Variants in LRMDA observed in about 807,000 individuals in gnomAD.
LRMDA encodes leucine-rich melanocyte differentiation-associated protein.
A neutral mutation model predicts 29.8 loss-of-function variants in LRMDA; 18 were observed. That is an observed-to-expected ratio of 0.60 (90% CI 0.42 to 0.90). The LOEUF is 0.90. LRMDA is among the 40% of genes least tolerant of loss of function. LRMDA has a pLI of 0.00. For missense variants in LRMDA, 273 were observed against 273.9 expected (o/e 1.00, Z 0.02); for synonymous variants, 125 against 109.4 (o/e 1.14, Z -0.89).
At chr10:75,637,814 T>C (rs966498248) in intron 2 of LRMDA, among the ~76,000 whole-genome samples, 5 of 152,160 alleles carry the variant, frequency 3.3e-5, no homozygotes, top group Non-Finnish European at 7.4e-5. Flanking sequence ...CATTGTTAAC[T>C]ATGAGGGGTG....
At chr10:76,542,314 T>C (rs11001816) in intron 6 of LRMDA, among the ~76,000 whole-genome samples, 55 of 152,356 alleles carry the variant, frequency 3.6e-4, no homozygotes, top group African/African-American at 1.3e-3. Context: ...CTTTGAATAA[T>C]ATGGCCGCTC....
chr10:76,249,864 A>G (rs1267281020), intron 5 of LRMDA, among the ~76,000 whole-genome samples: 4 of 152,164 alleles, frequency 2.6e-5, no homozygotes, highest in Admixed American at 1.3e-4. Flanking sequence ...GTGCAATGGC[A>G]TGATCTTAGC....
chr10:75,896,037 A>C (rs1417513748), intron 2 of LRMDA, among the ~76,000 whole-genome samples: 2 of 152,236 alleles, frequency 1.3e-5, no homozygotes. Flanking sequence ...CATCATCCTT[A>C]TTAAGATATC....
chr10:76,021,153 T>G (rs1847968467), intron 2 of LRMDA, among the ~76,000 whole-genome samples: 1 of 152,118 alleles, frequency 6.6e-6, no homozygotes, highest in African/African-American at 2.4e-5. Flanking sequence ...CATGGACCAG[T>G]GGTAGAGAAA....
Position 76,438,193 on chromosome 10 carries a change from C to T in LRMDA, c.601+113708C>T, listed in dbSNP as rs113504793. ...CTTGGACATGAGGGGATATAAGCAG[C>T]GGGTCAGGGCCCAGCATCACACTGA... On this transcript the variant is annotated intron_variant, in intron 6 of 6. Transcript: ENST00000611255. Among the ~76,000 whole-genome samples, 1,152 of 152,204 alleles carry T rather than the reference C, an allele frequency of 7.6e-3. 9 individuals are homozygous for T. Among genetic ancestry groups the T allele is most frequent in the African/African-American group, 0.026 (1,091 of 41,520 alleles).
At chr10:75,635,759 T>C (rs1841383913) in intron 2 of LRMDA, among the ~76,000 whole-genome samples, 1 of 152,160 alleles carries the variant, frequency 6.6e-6, no homozygotes, top group Non-Finnish European at 1.5e-5. Flanking sequence ...TACCCCTGCA[T>C]GTTATGTTGT....
chr10:75,914,485 T>C (rs1369994218), intron 2 of LRMDA, among the ~76,000 whole-genome samples: 2 of 152,238 alleles, frequency 1.3e-5, no homozygotes, highest in African/African-American at 4.8e-5. Context: ...CAGGGACATA[T>C]TTTGAGCCTC....
intron 5 of LRMDA, among the ~76,000 whole-genome samples, chr10:76,310,377 C>T (rs996688110): frequency 2.6e-5 from 4 of 152,116 alleles, no homozygotes; most frequent in African/African-American, 9.7e-5. Flanking sequence ...CCTTTACCTT[C>T]CCAATTTAGA....
At chr10:76,045,399 C>T (rs918992654) in intron 3 of LRMDA, among the ~76,000 whole-genome samples, 1 of 147,118 alleles carries the variant, frequency 6.8e-6, no homozygotes, top group Non-Finnish European at 1.5e-5. Context: ...TAGTTTCCCC[C>T]TCTCTTGTTA....
At chr10:76,502,657 C>T (rs1394608871) in intron 6 of LRMDA, among the ~76,000 whole-genome samples, 4 of 151,696 alleles carry the variant, frequency 2.6e-5, no homozygotes, top group Non-Finnish European at 5.9e-5. Context: ...CACTCTCAGC[C>T]TGGACATTGT....
intron 2 of LRMDA, among the ~76,000 whole-genome samples, chr10:75,520,352 A>G (rs1845341895): frequency 6.6e-6 from 1 of 152,060 alleles, no homozygotes; most frequent in South Asian, 2.1e-4. Context: ...ATAGTCCCAT[A>G]TTTTTTGGAG....
intron 5 of LRMDA, among the ~76,000 whole-genome samples, chr10:76,320,094 G>A (rs1564722881): frequency 6.6e-6 from 1 of 152,240 alleles, no homozygotes; most frequent in East Asian, 1.9e-4. Context: ...ATCAGTTTTG[G>A]TAATCACCGA....
At chr10:75,541,973 A>G (rs902777868) in intron 2 of LRMDA, among the ~76,000 whole-genome samples, 1 of 152,140 alleles carries the variant, frequency 6.6e-6, no homozygotes, top group African/African-American at 2.4e-5. Context: ...ATGGTGGTTA[A>G]ACTATATTTT....
intron 6 of LRMDA, among the ~76,000 whole-genome samples, chr10:76,541,167 T>C (rs1843349943): frequency 1.3e-5 from 2 of 152,078 alleles, no homozygotes; most frequent in Non-Finnish European, 2.9e-5. Context: ...TGGTGAGAGA[T>C]CATCAAACTC....
At chr10:76,382,191 A>G (rs1364011842) in intron 6 of LRMDA, among the ~76,000 whole-genome samples, 1 of 152,200 alleles carries the variant, frequency 6.6e-6, no homozygotes, top group Admixed American at 6.5e-5. Flanking sequence ...ACATGCACAC[A>G]TTCTTACGCA....
At chr10:76,338,461 G>A (rs565092882) in intron 6 of LRMDA, among the ~76,000 whole-genome samples, 17 of 152,208 alleles carry the variant, frequency 1.1e-4, no homozygotes, top group Non-Finnish European at 2.1e-4. Context: ...GCTACTGGGG[G>A]CCTCATAGCA....
intron 2 of LRMDA, among the ~76,000 whole-genome samples, chr10:75,468,096 C>G (rs1323424387): frequency 6.6e-6 from 1 of 151,954 alleles, no homozygotes; most frequent in Non-Finnish European, 1.5e-5. Flanking sequence ...ATAACTGATC[C>G]TAATGGTTGA....
intron 2 of LRMDA, among the ~76,000 whole-genome samples, chr10:75,824,499 G>A (rs553094686): frequency 6.6e-6 from 1 of 152,146 alleles, no homozygotes; most frequent in Non-Finnish European, 1.5e-5. Context: ...ACAAAAGAAG[G>A]TTGCTGAACT....
At chr10:76,082,873 T>C (rs1390510730) in intron 5 of LRMDA, among the ~76,000 whole-genome samples, 1 of 152,176 alleles carries the variant, frequency 6.6e-6, no homozygotes, top group Non-Finnish European at 1.5e-5. Context: ...ATAAGGAAGT[T>C]CGTAGGAGGA....
Sources: gnomAD v4.1 joint callset for allele counts (sites outside exome capture counted in the v4.1 genomes callset) on GRCh38, gnomAD v4.1.1 for gene constraint, MANE v1.5 for transcripts, NCBI Gene and HGNC (gene_info 2026-07-23, HGNC 2026-07-21) for gene names.